The following BICD1 variants were observed in gnomAD, a reference collection of about 807,000 sequenced individuals.
BICD1 encodes the protein BICD cargo adaptor 1.
Under a neutral mutation model 92.5 loss-of-function variants are expected in BICD1, and 35 were observed. The observed-to-expected ratio is 0.38, with a 90% CI of 0.29 to 0.50. The LOEUF (loss-of-function observed/expected upper bound fraction) is 0.50, where lower values mean the gene tolerates loss of function less well. Among genes scored for constraint, BICD1 ranks in the 20% least tolerant of loss-of-function variants. The probability of loss-of-function intolerance (pLI) is 0.93; values close to 1 mark genes in which losing one functional copy is unlikely to be tolerated. For missense variants in BICD1, 950 were observed against 1,189.8 expected (o/e 0.80, Z 2.97); for synonymous variants, 429 against 465.1 (o/e 0.92, Z 1.00).
At chr12:32,214,548 C>T (rs1181157286) in intron 1 of BICD1, among the ~76,000 whole-genome samples, 1 of 152,118 alleles carries the variant, frequency 6.6e-6, no homozygotes, top group Non-Finnish European at 1.5e-5. Flanking sequence ...GGCTTTTTCT[C>T]CAACAGTTAG....
chr12:32,177,296 C>T (rs1299083174), intron 1 of BICD1, among the ~76,000 whole-genome samples: 1 of 149,388 alleles, frequency 6.7e-6, no homozygotes, highest in East Asian at 1.9e-4. Context: ...GTCTGGGCAA[C>T]ACAGCTAGAC....
intron 1 of BICD1, among the ~76,000 whole-genome samples, chr12:32,209,024 G>T (rs1945140310): frequency 6.6e-6 from 1 of 151,820 alleles, no homozygotes; most frequent in Non-Finnish European, 1.5e-5. Context: ...TAATAGAGAT[G>T]GGGTTTCACT....
intron 8 of BICD1, among the ~76,000 whole-genome samples, chr12:32,361,326 C>G (rs1408149384): frequency 6.6e-6 from 1 of 151,966 alleles, no homozygotes; most frequent in Non-Finnish European, 1.5e-5. Context: ...GAGGCCGGGG[C>G]GGGTAGATCA....
At chr12:32,218,649 C>T (rs538866689) in intron 2 of BICD1, among the ~76,000 whole-genome samples, 21 of 152,210 alleles carry the variant, frequency 1.4e-4, no homozygotes, top group African/African-American at 4.3e-4. Context: ...TTGTTATATC[C>T]ACATTTAGGT....
Position 32,328,944 on chromosome 12 carries a change from G to C in BICD1, c.2100+389G>C, listed in dbSNP as rs1020119923. Among the ~76,000 whole-genome samples, 1 of 152,142 alleles carries C rather than the reference G, an allele frequency of 6.6e-6. No individual in the cohort carries two copies. The highest frequency in any genetic ancestry group is 2.4e-5 in the African/African-American group (1 of 41,434). ...TACACCAACCAGGGCGATACAGCAA[G>C]AAAGACAAACACCCAGCAGGCAGCT... On this transcript the variant is annotated intron_variant, in intron 5 of 9. Coordinates refer to ENST00000652176, the MANE Select transcript of BICD1 (RefSeq NM_001714.4). The surrounding 1 kb of genome is among the most constrained non-coding windows in gnomAD (Gnocchi z 4.4).
intron 2 of BICD1, among the ~76,000 whole-genome samples, chr12:32,220,842 C>A (rs1156930056): frequency 8.1e-6 from 1 of 123,840 alleles, no homozygotes; most frequent in Non-Finnish European, 1.7e-5. Context: ...TTGGAACCAA[C>A]CCAAATGTCC....
rs141010901 is a variant in BICD1, at chr12:32,348,634, T to C, written c.2764+9655T>C. Reference sequence around the variant, plus strand: ...AGGGAGGAACAGGTGGGCTGAGATATACATGAGGCCCAGGACATTCCAGGC... The same window carrying C: ...AGGGAGGAACAGGTGGGCTGAGATACACATGAGGCCCAGGACATTCCAGGC... On this transcript the variant is annotated intron_variant, in intron 8 of 9. Transcript: ENST00000652176. Among the ~76,000 whole-genome samples the C allele has an allele frequency of 3.7e-3, 566 of 151,088 alleles. 5 individuals are homozygous for C. Among genetic ancestry groups the C allele is most frequent in the African/African-American group, 0.013 (542 of 41,336 alleles).
At chr12:32,184,696 C>T (rs533314439) in intron 1 of BICD1, among the ~76,000 whole-genome samples, 73 of 152,296 alleles carry the variant, frequency 4.8e-4, no homozygotes, top group African/African-American at 1.6e-3. Flanking sequence ...GGAATCCTTT[C>T]GCCTGAAACT....
intron 3 of BICD1, among the ~76,000 whole-genome samples, chr12:32,300,151 G>GAGTGC (rs1481618362): frequency 6.6e-6 from 1 of 152,012 alleles, no homozygotes; most frequent in African/African-American, 2.4e-5. Flanking sequence ...GCCCAGGCTG[G>GAGTGC]AGTGCAATGG....
chr12:32,259,895 G>A (rs902598020), intron 2 of BICD1, among the ~76,000 whole-genome samples: 8 of 151,258 alleles, frequency 5.3e-5, no homozygotes, highest in Non-Finnish European at 8.8e-5. Flanking sequence ...TCTGTGGGCT[G>A]TTGTCAACAC....
At chr12:32,257,211 C>CAAAAAA (rs35294412) in intron 2 of BICD1, among the ~76,000 whole-genome samples, 2,682 of 78,244 alleles carry the variant, frequency 0.034, 98 homozygotes, top group East Asian at 0.11. Context: ...GACTCTGTCT[C>CAAAAAA]AAAAAAAAAA....
intron 1 of BICD1, among the ~76,000 whole-genome samples, chr12:32,114,917 C>A (rs1319540505): frequency 1.3e-5 from 2 of 152,164 alleles, no homozygotes; most frequent in Non-Finnish European, 2.9e-5. Context: ...GGGCTGGGAG[C>A]AACAGTCCTC....
At chr12:32,135,820 G>A (rs1303134495) in intron 1 of BICD1, among the ~76,000 whole-genome samples, 5 of 152,016 alleles carry the variant, frequency 3.3e-5, no homozygotes, top group Non-Finnish European at 5.9e-5. Context: ...TGACATGTGA[G>A]TTTTGACTTT....
At position 32,365,984 on chromosome 12, in the gene BICD1, C is replaced by A. The variant is rs544212357; in HGVS notation, c.2765-1686C>A. ...ACCAGCTACTAAACAAAAATCAGAT[C>A]TCCTTGTTCCTATTAAGATGCGCTA... On this transcript the variant is annotated intron_variant, in intron 8 of 9. Coordinates refer to ENST00000652176, the MANE Select transcript of BICD1 (RefSeq NM_001714.4). Among the ~76,000 whole-genome samples, 20 of 152,286 alleles carry A rather than the reference C, an allele frequency of 1.3e-4. No individual in the cohort carries two copies. The South Asian group carries it at 3.9e-3, about 30-fold the overall frequency.
chr12:32,336,329 A>T (rs769643405), intron 6 of BICD1, among the ~76,000 whole-genome samples: 1 of 152,224 alleles, frequency 6.6e-6, no homozygotes, highest in Non-Finnish European at 1.5e-5. Flanking sequence ...AGGAAAAAAG[A>T]TCACTAAGCT....
At chr12:32,108,857 G>A (rs2121116689) in intron 1 of BICD1, 1 of 506,092 alleles carries the variant, frequency 2.0e-6, no homozygotes, top group East Asian at 3.0e-5. Context: ...TACTTACCAT[G>A]TACCTGTCTG....
intron 2 of BICD1, among the ~76,000 whole-genome samples, chr12:32,243,450 A>G (rs557466695): frequency 6.6e-6 from 1 of 151,994 alleles, no homozygotes; most frequent in South Asian, 2.1e-4. Context: ...CAGAAATATA[A>G]TTAAAATTTA....
intron 1 of BICD1, among the ~76,000 whole-genome samples, chr12:32,183,413 C>T (rs1196607968): frequency 2.6e-5 from 4 of 151,780 alleles, no homozygotes; most frequent in East Asian, 1.9e-4. Context: ...TACAGGCACG[C>T]GCGCCATCAC....
chr12:32,323,044 A>G (rs1248952740), intron 4 of BICD1, among the ~76,000 whole-genome samples: 1 of 152,270 alleles, frequency 6.6e-6, no homozygotes, highest in Non-Finnish European at 1.5e-5. Context: ...CTGAGATTGT[A>G]TAGAATAGAG....
Sources: gnomAD v4.1 joint callset for allele counts (sites outside exome capture counted in the v4.1 genomes callset) on GRCh38, gnomAD v4.1.1 for gene constraint, Gnocchi (gnomAD v3.1) non-coding constraint, MANE v1.5 for transcripts, NCBI Gene and HGNC (gene_info 2026-07-23, HGNC 2026-07-21) for gene names.